COL13A1: variants seen among roughly 807,000 people sequenced by gnomAD.
COL13A1 encodes collagen alpha-1(XIII) chain.
Under a neutral mutation model 130.9 loss-of-function variants are expected in COL13A1, and 89 were observed. That is an observed-to-expected ratio of 0.68 (90% CI 0.57 to 0.81). The LOEUF is 0.81. Ranked by LOEUF, COL13A1 falls within the 30% of genes least tolerant of loss-of-function variation. The probability of loss-of-function intolerance (pLI) is 0.00; values close to 1 mark genes in which losing one functional copy is unlikely to be tolerated. For missense variants in COL13A1, 879 were observed against 934.6 expected, an observed-to-expected ratio of 0.94 and a Z score of 0.78; for synonymous variants, 402 against 341.6, an observed-to-expected ratio of 1.18 and a Z score of -1.95.
At chr10:69,891,994 G>T (rs1227044532) in intron 10 of COL13A1, among the ~76,000 whole-genome samples, 2 of 152,168 alleles carry the variant, frequency 1.3e-5, no homozygotes, top group Non-Finnish European at 2.9e-5. Context: ...CTTCCATGGG[G>T]CCGCTTTTCC....
intron 17 of COL13A1, among the ~76,000 whole-genome samples, chr10:69,914,379 A>G (rs7091586): frequency 0.014 from 2,032 of 144,646 alleles, 42 homozygotes; most frequent in African/African-American, 0.048. Context: ...AGGGGAGCAG[A>G]GAAAGGGCTG....
chr10:69,878,347 C>T (rs1171376328), intron 6 of COL13A1, among the ~76,000 whole-genome samples: 2 of 152,176 alleles, frequency 1.3e-5, no homozygotes, highest in Admixed American at 1.3e-4. Flanking sequence ...TCTGGCCAAT[C>T]GCTATTTTGT....
chr10:69,824,270 G>C (rs753450203), intron 2 of COL13A1: 1 of 416,566 alleles, frequency 2.4e-6, no homozygotes, highest in African/African-American at 2.1e-5. Flanking sequence ...ACTGCCTCTC[G>C]CACTTCAAAG....
chr10:69,925,944 G>T, intron 26 of COL13A1, 72 bp downstream of exon 26: 1 of 1,315,820 alleles, frequency 7.6e-7, no homozygotes, highest in East Asian at 2.5e-5. Flanking sequence ...TGATCAGGGG[G>T]CCCTTCCACA....
At chr10:69,860,799 A>G (rs1857841229) in intron 2 of COL13A1, 1 of 209,964 alleles carries the variant, frequency 4.8e-6, no homozygotes, top group Non-Finnish European at 1.0e-5. Context: ...AGGGAGCTGC[A>G]GGGATGGTAA....
At chr10:69,919,908 C>T (rs1284442968) in intron 21 of COL13A1, among the ~76,000 whole-genome samples, 181 bp downstream of exon 21, 1 of 152,216 alleles carries the variant, frequency 6.6e-6, no homozygotes, top group East Asian at 1.9e-4. Context: ...CAAGAGCACA[C>T]CCACTCTCCT....
intron 20 of COL13A1, 126 bp downstream of exon 20, chr10:69,919,214 C>A: frequency 8.1e-7 from 1 of 1,229,084 alleles, no homozygotes; most frequent in Non-Finnish European, 1.2e-6. Context: ...CCTGGCTAAG[C>A]AGAGAAGGGC....
In COL13A1 at chr10:69,939,878, G is replaced by T. The variant is rs114928312; in HGVS notation, c.1879-1110G>T. Among the ~76,000 whole-genome samples the T allele has an allele frequency of 9.4e-3, 1,424 of 152,280 alleles. 21 individuals carry two copies. Among genetic ancestry groups the T allele is most frequent in the African/African-American group, 0.033 (1,373 of 41,546 alleles). ...GGTCCTAAATCTGAGAAGAGTCCCT[G>T]CAGAGTCCTTCTACCCAACACCTTT... On this transcript the variant is annotated intron_variant, in intron 34 of 40. Coordinates refer to ENST00000645393, the MANE Select transcript of COL13A1 (RefSeq NM_001368882.1).
chr10:69,903,492 C>T (rs1051538578), intron 15 of COL13A1, among the ~76,000 whole-genome samples: 1 of 152,048 alleles, frequency 6.6e-6, no homozygotes, highest in African/African-American at 2.4e-5. Flanking sequence ...TGTTCAAGCC[C>T]TGGCTAAGAC....
At chr10:69,840,838 CA>C (rs1314210949) in intron 2 of COL13A1, among the ~76,000 whole-genome samples, 2 of 152,118 alleles carry the variant, frequency 1.3e-5, no homozygotes, top group Non-Finnish European at 2.9e-5. Context: ...CTTCTGCTGG[CA>C]ACAGAGTCGG....
intron 15 of COL13A1, among the ~76,000 whole-genome samples, chr10:69,904,077 G>C (rs563727140): frequency 1.6e-3 from 248 of 152,272 alleles, no homozygotes; most frequent in African/African-American, 5.6e-3. Flanking sequence ...ACCCCAGAGA[G>C]GGGGGTTAGT....
chr10:69,832,843 C>T (rs1359068681), intron 2 of COL13A1, among the ~76,000 whole-genome samples: 1 of 152,310 alleles, frequency 6.6e-6, no homozygotes, highest in Non-Finnish European at 1.5e-5. Context: ...TGTGTTTGTG[C>T]CCCTTCTCCA....
In COL13A1 at chr10:69,944,936, G is replaced by T. The variant is rs577652291; in HGVS notation, c.1969-735G>T. Among the ~76,000 whole-genome samples the T allele has an allele frequency of 5.9e-5, 9 of 152,358 alleles. No individual in the cohort carries two copies. In the South Asian group the frequency reaches 1.9e-3, roughly 32 times the overall value. On this transcript the variant is annotated intron_variant, in intron 36 of 40. Transcript: ENST00000645393. ...GGAAGTCAGGAGGCCAGAGCCATAG[G>T]CCAGGCTCCCACGGTCGCTGTCGAT...
chr10:69,819,365 TATGAGTAG>T (rs1017832717), intron 1 of COL13A1, among the ~76,000 whole-genome samples: 3 of 152,186 alleles, frequency 2.0e-5, no homozygotes, highest in Non-Finnish European at 2.9e-5. Context: ...AGTGGAGGTC[TATGAGTAG>T]ATGACTTACT....
rs3812701 is a variant in COL13A1 at position 69,897,284 on chromosome 10, G to A, written c.685-1413G>A. 0.74 allele frequency among the ~76,000 whole-genome samples: 112,189 copies of A among 151,948 alleles called. 42,815 individuals carry two copies. The highest frequency in any genetic ancestry group is 0.95 in the East Asian group (4,860 of 5,130). On this transcript the variant is annotated intron_variant, in intron 13 of 40. Coordinates refer to ENST00000645393, the MANE Select transcript of COL13A1 (RefSeq NM_001368882.1). ...AGATCTGTTGGCTTTCCAAGGGGTTGGGTTGGGGTGGCAGGTCTCGGGGCC... is the reference window on the plus strand; with the variant it reads ...AGATCTGTTGGCTTTCCAAGGGGTTAGGTTGGGGTGGCAGGTCTCGGGGCC...
intron 3 of COL13A1, among the ~76,000 whole-genome samples, chr10:69,868,045 C>T (rs905098324): frequency 3.3e-5 from 5 of 150,418 alleles, no homozygotes; most frequent in African/African-American, 7.4e-5. Context: ...AAGCAGGCCC[C>T]AAATTTCAAT....
intron 31 of COL13A1, among the ~76,000 whole-genome samples, 153 bp from the exon 32 acceptor site, chr10:69,935,197 C>G (rs1225839021): frequency 6.6e-6 from 1 of 152,130 alleles, no homozygotes; most frequent in Non-Finnish European, 1.5e-5. Flanking sequence ...CTGTTCTGAG[C>G]CTTTTTTGGG....
chr10:69,897,593 C>G, intron 13 of COL13A1: 1 of 1,566,194 alleles, frequency 6.4e-7, no homozygotes, highest in Non-Finnish European at 8.8e-7. Context: ...GAACATACAG[C>G]CCAACATTGC....
At chr10:69,957,400 A>G (rs1347688789) in intron 40 of COL13A1, among the ~76,000 whole-genome samples, 1 of 152,182 alleles carries the variant, frequency 6.6e-6, no homozygotes, top group East Asian at 1.9e-4. Flanking sequence ...ACGTGATGAC[A>G]TGTCTTAGAC....
Sources: gnomAD v4.1 joint callset for allele counts (sites outside exome capture counted in the v4.1 genomes callset) on GRCh38, gnomAD v4.1.1 for gene constraint, MANE v1.5 for transcripts, NCBI Gene and HGNC (gene_info 2026-07-23, HGNC 2026-07-21) for gene names.